SUSD2: variants seen among roughly 807,000 people sequenced by gnomAD.
The protein encoded by SUSD2 is sushi domain containing 2.
A neutral mutation model predicts 93.8 loss-of-function variants in SUSD2; 86 were observed. That is an observed-to-expected ratio of 0.92 (90% CI 0.77 to 1.10). SUSD2 has a LOEUF of 1.10. SUSD2 is among the 50% of genes least tolerant of loss of function. The probability of loss-of-function intolerance (pLI) is 0.00; values close to 1 mark genes in which losing one functional copy is unlikely to be tolerated. For missense variants in SUSD2, 1,060 were observed against 1,137.0 expected (o/e 0.93, Z 0.97); for synonymous variants, 483 against 485.0 (o/e 1.00, Z 0.05).
At chr22:24,183,349 C>G in intron 2 of SUSD2, 82 bp downstream of exon 2, 2 of 1,545,434 alleles carry the variant, frequency 1.3e-6, no homozygotes, top group Non-Finnish European at 1.8e-6. Context: ...CACTGACTGG[C>G]TGAGTGGAGC....
At chr22:24,185,395 G>C (rs552347117) in intron 6 of SUSD2, 91 bp from the exon 7 acceptor site, 2 of 1,537,928 alleles carry the variant, frequency 1.3e-6, no homozygotes, top group South Asian at 1.2e-5. Context: ...GGAGGGTGGG[G>C]CTGGGGTCTC....
rs749537786 is a variant in SUSD2 at position 24,188,335 on chromosome 22, C to T, written c.2444+8C>T. The T allele has an allele frequency of 6.2e-7, 1 of 1,607,472 alleles. No homozygotes were observed. The highest frequency in any genetic ancestry group is 8.5e-7 in the Non-Finnish European group (1 of 1,177,746). ...CCGCAGGAAGGGCAACACGTGAGACCCCCCAGCCCCTCTCCCAAGACCCCG... is the reference window on the plus strand; with the variant it reads ...CCGCAGGAAGGGCAACACGTGAGACTCCCCAGCCCCTCTCCCAAGACCCCG... On this transcript the variant is annotated splice_region_variant and intron_variant, in intron 14 of 14. Coordinates refer to ENST00000358321, the MANE Select transcript of SUSD2 (RefSeq NM_019601.4). The surrounding 1 kb of genome is among the most constrained non-coding windows in gnomAD (Gnocchi z 4.7).
chr22:24,182,926 C>CA, intron 1 of SUSD2, 131 bp from the exon 2 acceptor site: 1 of 701,632 alleles, frequency 1.4e-6, no homozygotes, highest in Non-Finnish European at 2.4e-6. Context: ...GTGGCCTGTG[C>CA]AGTTCCTGGC....
At position 24,184,891 on chromosome 22, in the gene SUSD2, C is replaced by A. The variant is rs369676695; in HGVS notation, c.733C>A (p.Arg245=). The change falls in exon 5 of 15, where the codon CGA becomes AGA. Residue 245 remains arginine (R), a synonymous_variant. Transcript: ENST00000358321. ...TGCTCCTCCCAGCTACCAGAGATGG[C>A]GAGTGGGTGCACTTCGGATCATCGA... ...KPAPPSYQRW[R]VGALRIIDSK... is the part of the protein sequence containing the mutation. The A allele has an allele frequency of 6.2e-7, 1 of 1,614,018 alleles. No individual in the cohort carries two copies. Among genetic ancestry groups the A allele is most frequent in the Admixed American group, 1.7e-5 (1 of 59,996 alleles).
chr22:24,186,048 T>C lies in SUSD2; in HGVS notation c.1372T>C (p.Phe458Leu). The C allele has an allele frequency of 1.2e-6, 2 of 1,612,180 alleles. No individual in the cohort carries two copies. Among genetic ancestry groups the C allele is most frequent in the Non-Finnish European group, 1.7e-6 (2 of 1,179,312 alleles). The change falls in exon 9 of 15, where the codon TTC becomes CTC. Residue 458 changes from phenylalanine to leucine, a missense_variant. Around this residue, in one of 2 missense-constraint regions of SUSD2, gnomAD observed 973 missense variants for 1,005.3 expected, o/e 0.97. Transcript: ENST00000358321. Reference sequence around the variant, plus strand: ...CTTCGGAGACCCACACTTTGTGACCTTCGACGGCACCAACTTCACATTCAA... The same window carrying C: ...CTTCGGAGACCCACACTTTGTGACCCTCGACGGCACCAACTTCACATTCAA... ...SAFGDPHFVTFDGTNFTFNGR... is the reference protein window; with the variant it reads ...SAFGDPHFVTLDGTNFTFNGR...
intron 10 of SUSD2, chr22:24,186,938 A>G: frequency 3.6e-6 from 2 of 550,532 alleles, no homozygotes; most frequent in Non-Finnish European, 6.5e-6. Context: ...TGCTGCAGCC[A>G]AGGCCAGAGG....
chr22:24,181,529 G>C lies in SUSD2; in HGVS notation c.10G>C (p.Ala4Pro). MKPALLPWALLLLA... is the reference protein window; with the variant it reads MKPPLLPWALLLLA... ...AGACACAGGCTGCACCATGAAGCCA[G>C]CCCTCCTGCCCTGGGCCCTGCTGCT... is the stretch of plus-strand genomic sequence containing the variant. Residue 4 changes from alanine (A) to proline (P), a missense_variant, in exon 1 of 15, where the codon GCC (alanine) becomes CCC (proline). This residue lies in a region of SUSD2 where 87 missense variants were observed against 131.6 expected (regional missense o/e 0.66). Coordinates refer to ENST00000358321, the MANE Select transcript of SUSD2 (RefSeq NM_019601.4). 2.5e-6 allele frequency: 4 copies of C among 1,586,676 alleles called. No individual in the cohort carries two copies. The highest frequency in any genetic ancestry group is 2.6e-6 in the Non-Finnish European group (3 of 1,170,438).
In SUSD2 at chr22:24,184,188, G is replaced by T. The variant is rs114247596; in HGVS notation, c.492G>T (p.Thr164=). The T allele has an allele frequency of 3.7e-6, 6 of 1,613,264 alleles. No homozygotes were observed. The highest frequency in any genetic ancestry group is 5.1e-6 in the Non-Finnish European group (6 of 1,179,996). ...AGAAGAGCGAGTTGGTGAACGAGAC[G>T]CGTTGGCAATACTACGGCACCGCCA... ...MMEKSELVNE[T]RWQYYGTANT... is the part of the protein sequence containing the mutation. The change falls in exon 4 of 15, where the codon ACG becomes ACT. Residue 164 remains threonine, a synonymous_variant. Coordinates refer to ENST00000358321, the MANE Select transcript of SUSD2 (RefSeq NM_019601.4).
rs2047380900 is a variant in SUSD2 at position 24,187,855 on chromosome 22, C to T, written c.2164+12C>T. 2.5e-6 allele frequency: 4 copies of T among 1,604,378 alleles called. No homozygotes were observed. Among genetic ancestry groups the T allele is most frequent in the Non-Finnish European group, 3.4e-6 (4 of 1,174,056 alleles). On this transcript the variant is annotated intron_variant, in intron 12 of 14. Transcript: ENST00000358321. The stretch of plus-strand genomic sequence containing the variant: ...GAGCCTGCAGCCAGGTGAGGGCGGG[C>T]AGGTGGGGGTGGGCGGGGAGCTGGG...
Position 24,187,658 on chromosome 22 carries a change from C to A in SUSD2, c.1979C>A (p.Thr660Asn). The change falls in exon 12 of 15, where the codon ACC (threonine) becomes AAC (asparagine). Residue 660 changes from threonine (T) to asparagine (N), a missense_variant. By Grantham distance (65) the Thr-to-Asn change is moderately conservative. Transcript: ENST00000358321. ...NFLYQPKHDP[T>N]FEPLFPSETT... is the part of the protein sequence containing the mutation. ...CTGTACCAACCCAAGCACGACCCCACCTTCGAGCCCCTCTTCCCCAGTGAG... is the reference window on the plus strand; with the variant it reads ...CTGTACCAACCCAAGCACGACCCCAACTTCGAGCCCCTCTTCCCCAGTGAG... 1.2e-6 allele frequency: 2 copies of A among 1,614,128 alleles called. No homozygotes were observed. The highest frequency in any genetic ancestry group is 1.7e-6 in the Non-Finnish European group (2 of 1,180,030).
intron 1 of SUSD2, 57 bp from the exon 2 acceptor site, chr22:24,183,000 C>T: frequency 6.7e-7 from 1 of 1,483,950 alleles, no homozygotes; most frequent in Non-Finnish European, 9.2e-7. Context: ...AGGCCCTGCA[C>T]ATGGGGCAGC....
At chr22:24,185,465 C>G in intron 6 of SUSD2, 21 bp from the exon 7 acceptor site, 1 of 1,553,688 alleles carries the variant, frequency 6.4e-7, no homozygotes, top group Non-Finnish European at 8.7e-7. Flanking sequence ...CACTGGGTGA[C>G]AGCCACCTGC....
chr22:24,187,103 C>T (rs2047371645), intron 10 of SUSD2, 99 bp from the exon 11 acceptor site: 1 of 1,496,898 alleles, frequency 6.7e-7, no homozygotes, highest in African/African-American at 1.4e-5. Flanking sequence ...CAGGTGCCCT[C>T]ACCCACAGCC....
rs749083448 is a variant in SUSD2, at chr22:24,187,328, C to T, written c.1769C>T (p.Thr590Ile). ...VSVLLPEKFL[T>I]HTHGLLGTLN... ...GTCCTGCTGCCTGAGAAGTTCCTCA[C>T]CCACACCCACGGCCTCCTCGGGACA... is the stretch of plus-strand genomic sequence containing the variant. The change falls in exon 11 of 15, where the codon ACC becomes ATC. Residue 590 changes from threonine to isoleucine, a missense_variant. Thr to Ile is a moderately conservative substitution (Grantham distance 89). Coordinates refer to ENST00000358321, the MANE Select transcript of SUSD2 (RefSeq NM_019601.4). 6.2e-6 allele frequency: 10 copies of T among 1,614,130 alleles called. No homozygotes were observed. The South Asian group carries it at 8.8e-5, about 14-fold the overall frequency.
Position 24,188,119 on chromosome 22 carries a change from C to T in SUSD2, c.2325C>T (p.Thr775=). ...CTGACGGCACCTGGTCCTCACCCAC[C>T]CCGAAGTGCCAGCCAGGTGAGGACA... The part of the protein sequence containing the change: ...CQADGTWSSP[T]PKCQPGRSYA... The change falls in exon 13 of 15, where the codon ACC becomes ACT. Residue 775 remains threonine, a synonymous_variant. Transcript: ENST00000358321. This position sits in a 1 kb window ranked among gnomAD's most constrained non-coding sequence, Gnocchi z 4.7. 6 of 1,612,654 alleles carry T rather than the reference C, an allele frequency of 3.7e-6. No individual in the cohort carries two copies. The highest frequency in any genetic ancestry group is 5.1e-6 in the Non-Finnish European group (6 of 1,179,696).
At position 24,185,478 on chromosome 22, in the gene SUSD2, C is replaced by T. The variant is rs573324033; in HGVS notation, c.985-8C>T. On this transcript the variant is annotated splice_region_variant and splice_polypyrimidine_tract_variant and intron_variant, in intron 6 of 14. Transcript: ENST00000358321. Reference sequence around the variant, plus strand: ...GCCACTGGGTGACAGCCACCTGCTGCTCTGCAGACGGACTACGGCTGTGAC... The same window carrying T: ...GCCACTGGGTGACAGCCACCTGCTGTTCTGCAGACGGACTACGGCTGTGAC... 1 of 1,557,852 alleles carries T rather than the reference C, an allele frequency of 6.4e-7. No individual in the cohort carries two copies. Among genetic ancestry groups the T allele is most frequent in the African/African-American group, 1.4e-5 (1 of 73,536 alleles).
chr22:24,186,325 G>A lies in SUSD2; in HGVS notation c.1552G>A (p.Val518Ile), dbSNP rs1467027771. Residue 518 changes from valine to isoleucine, a missense_variant, in exon 10 of 15, where the codon GTC becomes ATC. Coordinates refer to ENST00000358321, the MANE Select transcript of SUSD2 (RefSeq NM_019601.4). ...GGAGGGCAACTCAGATGTGGTGGAA[G>A]TCAGGCTGGCCAACAGGACCGGAGG... Reference protein sequence around the residue: ...VQEGNSDVVEVRLANRTGGLE... With the variant: ...VQEGNSDVVEIRLANRTGGLE... 6.2e-7 allele frequency: 1 copy of A among 1,614,008 alleles called. No homozygotes were observed. Among genetic ancestry groups the A allele is most frequent in the Non-Finnish European group, 8.5e-7 (1 of 1,180,044 alleles).
At position 24,187,372 on chromosome 22, in the gene SUSD2, G is replaced by A. The variant is rs200686756; in HGVS notation, c.1813G>A (p.Asp605Asn). Residue 605 changes from aspartate (D) to asparagine (N), a missense_variant, in exon 11 of 15, where the codon GAC becomes AAC. By Grantham distance (23) the Asp-to-Asn change is conservative. Coordinates refer to ENST00000358321, the MANE Select transcript of SUSD2 (RefSeq NM_019601.4). ...CGGGACACTCAACAACGACCCCACC[G>A]ACGACTTCACCCTGCACAGCGGGCG... ...LLGTLNNDPTDDFTLHSGRVL... is the reference protein window; with the variant it reads ...LLGTLNNDPTNDFTLHSGRVL... 14 of 1,613,186 alleles carry A rather than the reference G, an allele frequency of 8.7e-6. No homozygotes were observed. The highest frequency in any genetic ancestry group is 1.1e-5 in the Non-Finnish European group (13 of 1,179,852).
chr22:24,181,988 C>A (rs1006847142), intron 1 of SUSD2, among the ~76,000 whole-genome samples: 1 of 152,214 alleles, frequency 6.6e-6, no homozygotes, highest in Non-Finnish European at 1.5e-5. Context: ...GGCTGCCCCC[C>A]GTCCCCCACC....
Sources: allele counts gnomAD v4.1 joint callset (sites outside exome capture counted in the v4.1 genomes callset), GRCh38; gene constraint gnomAD v4.1.1; regional missense constraint gnomAD v4.1.1; non-coding constraint Gnocchi (gnomAD v3.1); transcripts MANE v1.5; gene names NCBI Gene and HGNC (gene_info 2026-07-23, HGNC 2026-07-21).